The following ABCE1 variants were observed in gnomAD, a reference collection of about 807,000 sequenced individuals.
ABCE1 encodes ATP binding cassette subfamily E member 1.
In ABCE1, 22 loss-of-function variants were observed where a neutral mutation model predicts 83.4. The ratio of observed to expected loss-of-function variants is 0.26; its 90% CI spans 0.19 to 0.38. ABCE1 has a LOEUF of 0.38. ABCE1 is among the 10% of genes least tolerant of loss of function. The pLI, the probability that ABCE1 is intolerant of heterozygous loss-of-function variation, is 1.00. For synonymous variants in ABCE1, 204 were observed against 233.7 expected (o/e 0.87, Z 1.16); for missense variants, 330 against 721.9 (o/e 0.46, Z 6.22).
chr4:145,121,113 A>G (rs1579221501), intron 11 of ABCE1, 61 bp from the exon 12 acceptor site: 1 of 1,534,904 alleles, frequency 6.5e-7, no homozygotes, highest in Non-Finnish European at 9.0e-7. Context: ...AATAGGACAT[A>G]GTGATTTACT....
intron 1 of ABCE1, among the ~76,000 whole-genome samples, chr4:145,098,881 A>T (rs1748994096): frequency 6.6e-6 from 1 of 152,214 alleles, no homozygotes; most frequent in South Asian, 2.1e-4. Flanking sequence ...GAGTGGAATG[A>T]GTCATGGCAT....
intron 17 of ABCE1, among the ~76,000 whole-genome samples, chr4:145,126,302 TTTG>T (rs1355291055): frequency 3.3e-5 from 5 of 152,072 alleles, no homozygotes; most frequent in African/African-American, 1.2e-4. Context: ...GTTTTAGTTG[TTTG>T]TTTTTTTGAG....
rs1260630490 is a variant in ABCE1, at chr4:145,120,143, G to A, written c.1134G>A (p.Leu378=). ...CAGATTCTGAAATTATGGTGATGCT[G>A]GGGGAAAATGGTAAGTTTTCTGTTT... The part of the protein sequence containing the change: ...EFTDSEIMVM[L]GENGTGKTTF... Residue 378 remains leucine, a synonymous_variant, in exon 11 of 18, where the codon CTG becomes CTA. Transcript: ENST00000296577. 2 of 1,600,976 alleles carry A rather than the reference G, an allele frequency of 1.2e-6. No individual in the cohort carries two copies.
chr4:145,122,810 A>AG, intron 13 of ABCE1: 1 of 438,518 alleles, frequency 2.3e-6, no homozygotes, highest in Non-Finnish European at 4.1e-6. Flanking sequence ...CTGTCTCAAA[A>AG]GAAAAAAAAA....
At position 145,127,547 on chromosome 4, in the gene ABCE1, G is replaced by A. The variant is rs2126717960; in HGVS notation, c.1774G>A (p.Gly592Arg). ...TTAGGATGTAGAACAAAAGAAGAGT[G>A]GAAACTACTTTTTCTTGGATGATTA... ...SIKDVEQKKS[G>R]NYFFLDD The change falls in exon 18 of 18, where the codon GGA (glycine) becomes AGA (arginine). Residue 592 changes from glycine to arginine, a missense_variant. Physicochemically the swap from Gly to Arg is moderately radical, Grantham distance 125 (BLOSUM62 -2). Transcript: ENST00000296577. 6.3e-7 allele frequency: 1 copy of A among 1,577,766 alleles called. No homozygotes were observed. The highest frequency in any genetic ancestry group is 2.3e-5 in the East Asian group (1 of 43,302).
chr4:145,124,689 A>C (rs866906917), intron 16 of ABCE1, among the ~76,000 whole-genome samples: 2 of 152,164 alleles, frequency 1.3e-5, no homozygotes, highest in African/African-American at 4.8e-5. Context: ...CTACTTATTA[A>C]TTATCTTCTG....
At position 145,117,280 on chromosome 4, in the gene ABCE1, G is replaced by GT. The variant is rs1749631445; in HGVS notation, c.801-10dup. Reference sequence around the variant, plus strand: ...ATGTAAGAGTTTTAACTAAAATCTGGTTTGATTTTCAGATATATCATTGTG... The same window carrying GT: ...ATGTAAGAGTTTTAACTAAAATCTGGTTTTGATTTTCAGATATATCATTGTG... On this transcript the variant is annotated splice_polypyrimidine_tract_variant and intron_variant, in intron 9 of 17. Transcript: ENST00000296577. 1 of 1,587,934 alleles carries GT rather than the reference G, an allele frequency of 6.3e-7. No individual in the cohort carries two copies. The highest frequency in any genetic ancestry group is 1.4e-5 in the African/African-American group (1 of 73,908).
At chr4:145,125,901 C>T (rs562833014) in intron 17 of ABCE1, among the ~76,000 whole-genome samples, 3 of 151,972 alleles carry the variant, frequency 2.0e-5, no homozygotes, top group East Asian at 3.9e-4. Flanking sequence ...ATTAGCCAGG[C>T]GTGGTGGCAT....
intron 11 of ABCE1, 29 bp from the exon 12 acceptor site, chr4:145,121,145 G>C (rs373519010): frequency 5.0e-6 from 8 of 1,610,448 alleles, no homozygotes; most frequent in Non-Finnish European, 6.8e-6. Flanking sequence ...GCATCTTTCA[G>C]ATCAAACTGT....
Position 145,124,956 on chromosome 4 carries a change from A to C in ABCE1, c.1641-34A>C, listed in dbSNP as rs767709992. 2.0e-6 allele frequency: 3 copies of C among 1,483,720 alleles called. No individual in the cohort carries two copies. In the African/African-American group the frequency reaches 4.2e-5, roughly 21 times the overall value. The allele number at this position is 1,483,720 out of a possible 1,614,324, so 91.9% of individuals were successfully genotyped here. A position where few individuals can be genotyped will look rare whatever the true frequency, so the allele number is the denominator to read the frequency against. ...AAGGTAGTTACATTTCTGAAGTAAA[A>C]TTTAATCAAAATTGATTTTTTTTTT... On this transcript the variant is annotated intron_variant, in intron 16 of 17. Transcript: ENST00000296577.
intron 1 of ABCE1, among the ~76,000 whole-genome samples, chr4:145,103,517 A>C (rs1167025787): frequency 6.6e-6 from 1 of 152,208 alleles, no homozygotes; most frequent in East Asian, 1.9e-4. Context: ...GACTTATAAA[A>C]GCTTTAAAAG....
Position 145,111,135 on chromosome 4 carries a change from G to A in ABCE1, c.710+71G>A. ...GTTTTCAGTTGTGATGCTGCTAATA[G>A]AGGAATGGTTTTGAGAGAAATTAAT... On this transcript the variant is annotated intron_variant, in intron 8 of 17. Transcript: ENST00000296577. The A allele has an allele frequency of 3.9e-6, 4 of 1,014,044 alleles. No homozygotes were observed. The South Asian group carries it at 6.4e-5, about 16-fold the overall frequency. 62.8% of individuals were successfully genotyped at this position (1,014,044 alleles called of 1,614,324 possible).
chr4:145,101,734 G>A (rs1020030890), intron 1 of ABCE1, among the ~76,000 whole-genome samples: 1 of 152,174 alleles, frequency 6.6e-6, no homozygotes, highest in Non-Finnish European at 1.5e-5. Context: ...TCAAGGATTT[G>A]GGCCTGAGCA....
At chr4:145,110,347 A>T (rs1328936915) in intron 6 of ABCE1, 28 bp from the exon 7 acceptor site, 1 of 1,606,620 alleles carries the variant, frequency 6.2e-7, no homozygotes, top group South Asian at 1.1e-5. Context: ...GAAAGAAAAT[A>T]GTAACTGTTT....
At chr4:145,102,712 T>C (rs560906583) in intron 1 of ABCE1, among the ~76,000 whole-genome samples, 3 of 152,240 alleles carry the variant, frequency 2.0e-5, no homozygotes, top group East Asian at 1.9e-4. Flanking sequence ...AGTGGAAATA[T>C]GATAGAATCA....
chr4:145,110,342 A>C (rs746140153), intron 6 of ABCE1, 33 bp from the exon 7 acceptor site: 1 of 1,604,828 alleles, frequency 6.2e-7, no homozygotes, highest in Admixed American at 1.7e-5. Flanking sequence ...ATATTGAAAG[A>C]AAATAGTAAC....
At chr4:145,117,043 T>A (rs998003830) in intron 9 of ABCE1, among the ~76,000 whole-genome samples, 3 of 151,946 alleles carry the variant, frequency 2.0e-5, no homozygotes, top group Admixed American at 2.0e-4. Flanking sequence ...TCGAAATATG[T>A]TTCTTATTAG....
intron 1 of ABCE1, among the ~76,000 whole-genome samples, chr4:145,101,371 GGAGAT>G (rs1305185987): frequency 1.3e-5 from 2 of 152,178 alleles, no homozygotes; most frequent in Non-Finnish European, 2.9e-5. Flanking sequence ...TAGAGTAGTT[GGAGAT>G]GAGATCAGAA....
At position 145,127,713 on chromosome 4, in the gene ABCE1, A is replaced by G. The variant is rs962300329; in HGVS notation, c.*140A>G. On this transcript the variant is annotated 3_prime_UTR_variant, in exon 18 of 18. Coordinates refer to ENST00000296577, the MANE Select transcript of ABCE1 (RefSeq NM_002940.3). ...ATAATATACTTAATATAACATAAAA[A>G]GCCAGTTGGGTTCTAAATTGTAGTT... 4 of 566,718 alleles carry G rather than the reference A, an allele frequency of 7.1e-6. No homozygotes were observed. The highest frequency in any genetic ancestry group is 1.1e-5 in the Non-Finnish European group (4 of 354,792). 35.1% of individuals were successfully genotyped at this position (566,718 alleles called of 1,614,324 possible).
Sources: gnomAD v4.1 joint callset for allele counts (sites outside exome capture counted in the v4.1 genomes callset) on GRCh38, gnomAD v4.1.1 for gene constraint, MANE v1.5 for transcripts, NCBI Gene and HGNC (gene_info 2026-07-23, HGNC 2026-07-21) for gene names.